Variants in TASP1 observed in about 807,000 individuals in gnomAD.
TASP1 encodes the protein threonine aspartase 1.
TASP1 carries 16 observed loss-of-function variants against 56.6 expected under a neutral mutation model. That is an observed-to-expected ratio of 0.28 (90% confidence interval 0.19 to 0.43). TASP1 has a LOEUF of 0.43. TASP1 is among the 20% of genes least tolerant of loss of function. The probability of loss-of-function intolerance (pLI) is 1.00; values close to 1 mark genes in which losing one functional copy is unlikely to be tolerated. For missense variants in TASP1, 393 were observed against 511.6 expected, an observed-to-expected ratio of 0.77 and a Z score of 2.24; for synonymous variants, 179 against 184.2, an observed-to-expected ratio of 0.97 and a Z score of 0.23.
At chr20:13,498,875 AG>A (rs1182218626) in intron 10 of TASP1, among the ~76,000 whole-genome samples, 15 of 151,942 alleles carry the variant, frequency 9.9e-5, no homozygotes, top group African/African-American at 3.4e-4. Flanking sequence ...AATATAAATT[AG>A]TTCAACCACT....
chr20:13,450,078 A>G (rs979537507), intron 11 of TASP1, among the ~76,000 whole-genome samples: 1 of 152,144 alleles, frequency 6.6e-6, no homozygotes, highest in Non-Finnish European at 1.5e-5. Context: ...TTGGTTTCCC[A>G]GTGCATATGA....
the TASP1 span, among the ~76,000 whole-genome samples, chr20:13,142,877 C>T: frequency 2.8e-4 from 43 of 152,220 alleles, 1 homozygote; most frequent in East Asian, 7.0e-3. Flanking sequence ...AAGCCAGCAA[C>T]GGAGAGTCTC....
At chr20:13,638,507 C>A (rs542349017) in intron 1 of TASP1, among the ~76,000 whole-genome samples, 1 of 152,164 alleles carries the variant, frequency 6.6e-6, no homozygotes, top group South Asian at 2.1e-4. Context: ...TGCCTTACCC[C>A]CAACCCGCCA....
chr20:13,549,064 G>A (rs73899344), intron 8 of TASP1, among the ~76,000 whole-genome samples: 3,106 of 152,098 alleles, frequency 0.02, 106 homozygotes, highest in African/African-American at 0.07. Flanking sequence ...AAAAGACCAT[G>A]GTAATTACCT....
At chr20:13,223,162 AAAAATAAAAT>A in the TASP1 span, among the ~76,000 whole-genome samples, 1,065 of 146,060 alleles carry the variant, frequency 7.3e-3, 10 homozygotes, top group Non-Finnish European at 8.8e-3. Context: ...GTCTCAAAAA[AAAAATAAAAT>A]AAAATAAAAT....
At chr20:13,593,230 A>T (rs1375507713) in intron 4 of TASP1, among the ~76,000 whole-genome samples, 3 of 152,054 alleles carry the variant, frequency 2.0e-5, no homozygotes, top group Non-Finnish European at 4.4e-5. Context: ...AAAAAAAATC[A>T]CCTTCCATTC....
At chr20:13,571,438 T>C (rs1346362924) in intron 6 of TASP1, among the ~76,000 whole-genome samples, 9 of 152,228 alleles carry the variant, frequency 5.9e-5, no homozygotes, top group Non-Finnish European at 1.0e-4. Flanking sequence ...AGGAAACTTT[T>C]AGAAAAGGTT....
At chr20:13,630,841 G>C (rs1263388960) in intron 1 of TASP1, among the ~76,000 whole-genome samples, 2 of 151,962 alleles carry the variant, frequency 1.3e-5, no homozygotes, top group Non-Finnish European at 2.9e-5. Flanking sequence ...GCCCACAAGA[G>C]AGTATTATTT....
At chr20:13,140,694 G>C in the TASP1 span, among the ~76,000 whole-genome samples, 1 of 151,884 alleles carries the variant, frequency 6.6e-6, no homozygotes, top group Admixed American at 6.6e-5. Flanking sequence ...TCAGTTATTA[G>C]GAGAAAAAAG....
At chr20:13,306,032 G>A in the TASP1 span, among the ~76,000 whole-genome samples, 1 of 152,056 alleles carries the variant, frequency 6.6e-6, no homozygotes, top group African/African-American at 2.4e-5. Context: ...ATCTGTTCTG[G>A]GAGTAATAAA....
At chr20:13,314,689 G>A in the TASP1 span, among the ~76,000 whole-genome samples, 2 of 152,102 alleles carry the variant, frequency 1.3e-5, no homozygotes, top group Non-Finnish European at 2.9e-5. Context: ...CATAAAAAAG[G>A]AGGAGAATCA....
At chr20:13,533,695 A>C (rs1174206284) in intron 9 of TASP1, among the ~76,000 whole-genome samples, 1 of 152,172 alleles carries the variant, frequency 6.6e-6, no homozygotes, top group African/African-American at 2.4e-5. Context: ...TTGTTCCTAA[A>C]GAGAGTGACA....
At chr20:13,415,725 T>C (rs753253599) in intron 13 of TASP1, among the ~76,000 whole-genome samples, 1 of 152,142 alleles carries the variant, frequency 6.6e-6, no homozygotes, top group South Asian at 2.1e-4. Flanking sequence ...TCACATTAAA[T>C]AGTAAGGTGT....
At chr20:13,274,059 TTG>T in the TASP1 span, among the ~76,000 whole-genome samples, 10 of 150,822 alleles carry the variant, frequency 6.6e-5, no homozygotes, top group African/African-American at 7.3e-5. Flanking sequence ...TGGCGTGTAA[TTG>T]TGTGTGTGTG....
chr20:13,520,354 G>A (rs919844043), intron 10 of TASP1, among the ~76,000 whole-genome samples: 15 of 152,234 alleles, frequency 9.9e-5, no homozygotes, highest in South Asian at 4.1e-4. Flanking sequence ...GAGGCATCTC[G>A]CTACCTGACT....
intron 7 of TASP1, among the ~76,000 whole-genome samples, chr20:13,567,365 C>T (rs1056067906): frequency 6.6e-6 from 1 of 152,114 alleles, no homozygotes; most frequent in African/African-American, 2.4e-5. Flanking sequence ...ACAACAAACC[C>T]CTGTGACATG....
intron 8 of TASP1, among the ~76,000 whole-genome samples, chr20:13,557,743 G>A (rs1179403340): frequency 4.0e-5 from 6 of 151,630 alleles, no homozygotes; most frequent in Admixed American, 1.3e-4. Flanking sequence ...ACCATATCCA[G>A]CTAAATTTTT....
chr20:13,357,519 T>C, the TASP1 span, among the ~76,000 whole-genome samples: 10 of 152,356 alleles, frequency 6.6e-5, no homozygotes, highest in Admixed American at 5.2e-4. Flanking sequence ...TCTGAGATTC[T>C]TTAAACCCCT....
chr20:13,146,884 C>A, the TASP1 span, among the ~76,000 whole-genome samples: 1 of 152,198 alleles, frequency 6.6e-6, no homozygotes, highest in Non-Finnish European at 1.5e-5. Flanking sequence ...CTAGGCACTG[C>A]CAATTTCCAG....
Sources: gnomAD v4.1 joint callset for allele counts (sites outside exome capture counted in the v4.1 genomes callset) on GRCh38, gnomAD v4.1.1 for gene constraint, MANE v1.5 for transcripts, NCBI Gene and HGNC (gene_info 2026-07-23, HGNC 2026-07-21) for gene names.